Variants in PRKX observed in about 807,000 individuals in gnomAD.
The protein encoded by PRKX is protein kinase cAMP-dependent X-linked catalytic subunit, also known as cAMP-dependent protein kinase catalytic subunit PRKX.
Under a neutral mutation model 22.0 loss-of-function variants are expected in PRKX, and 12 were observed. The observed-to-expected ratio is 0.54, with a 90% CI of 0.35 to 0.88. PRKX has a LOEUF of 0.88. PRKX is among the 40% of genes least tolerant of loss of function. The pLI is 0.01. For synonymous variants in PRKX, 134 were observed against 137.7 expected (o/e 0.97, Z 0.19); for missense variants, 217 against 308.0 (o/e 0.70, Z 2.21).
intron 1 of PRKX, among the ~76,000 whole-genome samples, chrX:3,698,556 A>C (rs1246937950): frequency 7.3e-5 from 8 of 109,471 alleles, no homozygotes; most frequent in African/African-American, 2.7e-4. Context: ...TTTTTTCTAC[A>C]TGTGTTTTGT....
chrX:3,621,141 G>C (rs1926546902), intron 6 of PRKX, 118 bp downstream of exon 6: 2 of 528,008 alleles, frequency 3.8e-6, no homozygotes, highest in Non-Finnish European at 6.1e-6. Context: ...TTGAAATTTG[G>C]GCAGTGATTA....
At position 3,642,085 on chromosome X, in the gene PRKX, T is replaced by G. The variant is rs1893658209; in HGVS notation, c.600-114A>C. The G allele has an allele frequency of 4.3e-6, 4 of 922,324 alleles. No individual in the cohort carries two copies. In the African/African-American group the frequency reaches 6.1e-5, roughly 14 times the overall value. The allele number at this position is 922,324 out of a possible 1,213,427, so 76.0% of individuals were successfully genotyped here. ...TTCGTTGAGTAAAACCACGCTCCGTTTACCCTCCTGTGCACATATTTTAAT... is the reference window on the plus strand; with the variant it reads ...TTCGTTGAGTAAAACCACGCTCCGTGTACCCTCCTGTGCACATATTTTAAT... On this transcript the variant is annotated intron_variant, in intron 3 of 8. Transcript: ENST00000262848.
At chrX:3,688,954 C>A (rs1304514672) in intron 1 of PRKX, among the ~76,000 whole-genome samples, 5 of 109,840 alleles carry the variant, frequency 4.6e-5, no homozygotes, top group Non-Finnish European at 9.5e-5. Flanking sequence ...GAGAAATATA[C>A]AAGACACATT....
chrX:3,658,341 T>C (rs748733367), intron 2 of PRKX, among the ~76,000 whole-genome samples: 2 of 111,294 alleles, frequency 1.8e-5, no homozygotes, highest in East Asian at 5.7e-4. Context: ...TGGAGTGCAG[T>C]GGTGCAGGTA....
chrX:3,634,331 G>A (rs1926844708), intron 4 of PRKX, among the ~76,000 whole-genome samples: 1 of 110,603 alleles, frequency 9.0e-6, no homozygotes, highest in African/African-American at 3.3e-5. Flanking sequence ...GGTGGGAGAT[G>A]AGAAAGGGGA....
At chrX:3,638,183 C>G (rs1336765495) in intron 4 of PRKX, among the ~76,000 whole-genome samples, 1 of 111,348 alleles carries the variant, frequency 9.0e-6, no homozygotes, top group Non-Finnish European at 1.9e-5. Flanking sequence ...ATTCTGGTAA[C>G]TTTATATAAT....
Position 3,623,095 on chromosome X carries a change from A to G in PRKX, c.816-1779T>C, listed in dbSNP as rs1300343376. On this transcript the variant is annotated intron_variant, in intron 5 of 8. Transcript: ENST00000262848. The stretch of plus-strand genomic sequence containing the variant: ...GGCAGTGGTGTAAATTATAGGGGGG[A>G]AAAAAAGCCCTATGTTTATTTCAGA... Among the ~76,000 whole-genome samples the G allele has an allele frequency of 4.1e-5, 3 of 72,901 alleles. No homozygotes were observed. The South Asian group carries it at 1.9e-3, about 47-fold the overall frequency. 63.3% of individuals were successfully genotyped at this position (72,901 alleles called of 115,157 possible).
At chrX:3,661,479 G>T (rs1257898804) in intron 2 of PRKX, among the ~76,000 whole-genome samples, 3 of 110,158 alleles carry the variant, frequency 2.7e-5, no homozygotes, top group Non-Finnish European at 5.7e-5. Flanking sequence ...TGGTTGTGCA[G>T]GCCTGTAGTC....
chrX:3,640,718 C>T (rs1927061250), intron 4 of PRKX, among the ~76,000 whole-genome samples: 1 of 111,230 alleles, frequency 9.0e-6, no homozygotes, highest in Non-Finnish European at 1.9e-5. Context: ...GGCTGCACTC[C>T]CAGACGGTTA....
chrX:3,635,116 T>C (rs987713323), intron 4 of PRKX, among the ~76,000 whole-genome samples: 7 of 112,090 alleles, frequency 6.2e-5, no homozygotes, highest in African/African-American at 2.3e-4. Context: ...TGTATTCTGT[T>C]GGTTTATATT....
At chrX:3,610,627 G>A (rs1294012923) in intron 8 of PRKX, among the ~76,000 whole-genome samples, 6 of 110,727 alleles carry the variant, frequency 5.4e-5, no homozygotes, top group African/African-American at 1.6e-4. Context: ...CCTACGTGTG[G>A]AATCTTTTTC....
At chrX:3,615,058 G>A (rs1926390302) in intron 7 of PRKX, among the ~76,000 whole-genome samples, 1 of 83,474 alleles carries the variant, frequency 1.2e-5, no homozygotes, top group African/African-American at 5.1e-5. Flanking sequence ...TGGCTCTGTC[G>A]CCCAGGCTGG....
chrX:3,689,969 T>G (rs1928288549), intron 1 of PRKX, among the ~76,000 whole-genome samples: 1 of 110,938 alleles, frequency 9.0e-6, no homozygotes, highest in Non-Finnish European at 1.9e-5. Context: ...AGAGCAAGAC[T>G]CTGTCTCGAA....
chrX:3,627,565 G>A (rs773051547), intron 4 of PRKX, among the ~76,000 whole-genome samples: 1 of 108,144 alleles, frequency 9.2e-6, no homozygotes, highest in South Asian at 4.1e-4. Flanking sequence ...AGGCTCAAGC[G>A]ATCTACCTGC....
chrX:3,668,968 T>TG (rs1251365157), intron 2 of PRKX, among the ~76,000 whole-genome samples: 1 of 112,347 alleles, frequency 8.9e-6, no homozygotes, highest in Non-Finnish European at 1.9e-5. Flanking sequence ...CACGCTGGAG[T>TG]GGGGGTGCTA....
At chrX:3,647,048 G>C (rs1408200984) in intron 3 of PRKX, among the ~76,000 whole-genome samples, 1 of 111,007 alleles carries the variant, frequency 9.0e-6, no homozygotes, top group East Asian at 2.8e-4. Context: ...AAAGTAAGAA[G>C]CTAGGGGAAA....
At position 3,713,430 on chromosome X, in the gene PRKX, T is replaced by A. The variant is rs753550936; in HGVS notation, c.-177A>T. 8 of 328,794 alleles carry A rather than the reference T, an allele frequency of 2.4e-5. No individual in the cohort carries two copies. In the South Asian group the frequency reaches 1.3e-3, roughly 53 times the overall value. The allele number at this position is 328,794 out of a possible 1,213,427, so 27.1% of individuals were successfully genotyped here. On this transcript the variant is annotated 5_prime_UTR_variant, in exon 1 of 9. Transcript: ENST00000262848. ...CTGACGGAGCGACGGGGACAATGGC[T>A]GGGCGGCGCTCACGGCACAAGCAGC...
chrX:3,642,539 G>A (rs188016154), intron 3 of PRKX, among the ~76,000 whole-genome samples: 3 of 110,528 alleles, frequency 2.7e-5, no homozygotes, highest in Non-Finnish European at 5.7e-5. Flanking sequence ...TTATTACCCA[G>A]GTGACAAAAT....
chrX:3,682,107 G>C (rs1224727335), intron 1 of PRKX, among the ~76,000 whole-genome samples: 1 of 110,759 alleles, frequency 9.0e-6, no homozygotes, highest in Non-Finnish European at 1.9e-5. Context: ...TTTCCCTTGG[G>C]GTCCGTGGGT....
Sources: gnomAD v4.1 joint callset for allele counts (sites outside exome capture counted in the v4.1 genomes callset) on GRCh38, gnomAD v4.1.1 for gene constraint, MANE v1.5 for transcripts, NCBI Gene and HGNC (gene_info 2026-07-23, HGNC 2026-07-21) for gene names.